Variants in ILDR2 observed in about 807,000 individuals in gnomAD.
ILDR2 encodes the protein immunoglobulin-like domain-containing receptor 2.
Under a neutral mutation model 66.8 loss-of-function variants are expected in ILDR2, and 25 were observed. The ratio of observed to expected loss-of-function variants is 0.37; its 90% CI spans 0.27 to 0.52. The LOEUF is 0.52. ILDR2 is among the 20% of genes least tolerant of loss of function. The probability of loss-of-function intolerance (pLI) is 0.88; values close to 1 mark genes in which losing one functional copy is unlikely to be tolerated. For synonymous variants in ILDR2, 367 were observed against 357.2 expected (o/e 1.03, Z -0.31); for missense variants, 827 against 876.8 (o/e 0.94, Z 0.72).
chr1:166,898,538 A>T (rs555123786), intron 2 of ILDR2, among the ~76,000 whole-genome samples: 1 of 152,160 alleles, frequency 6.6e-6, no homozygotes, highest in African/African-American at 2.4e-5. Context: ...CACCCTCCCT[A>T]CCTGGTGTGT....
At position 166,902,897 on chromosome 1, in the gene ILDR2, AT is replaced by A. The variant is rs759302601; in HGVS notation, n.171+4155del. 1.3e-3 allele frequency among the ~76,000 whole-genome samples: 195 copies of A among 151,388 alleles called. 1 individual carries two copies. Among genetic ancestry groups the A allele is most frequent in the East Asian group, 4.6e-3 (24 of 5,164 alleles). ...TATTCAAGTCAAAGACCTAGGAATC[AT>A]TTTTTTTTCCTTTTCCTTCACTGTC... On this transcript the variant is annotated intron_variant and non_coding_transcript_variant, in intron 2 of 2. Coordinates refer to the ILDR2 transcript ENST00000414590.
At chr1:166,927,208 C>T (rs568414871) in intron 6 of ILDR2, 28 bp from the exon 7 acceptor site, 3 of 1,493,700 alleles carry the variant, frequency 2.0e-6, no homozygotes, top group South Asian at 2.4e-5. Flanking sequence ...AGAAGGTGAG[C>T]TGAAAAAGGA....
chr1:166,963,201 A>G (rs1279553159), intron 1 of ILDR2, among the ~76,000 whole-genome samples: 2 of 152,134 alleles, frequency 1.3e-5, no homozygotes, highest in Non-Finnish European at 2.9e-5. Context: ...ATCTTTCTCT[A>G]TTCCCACTGT....
Position 166,936,797 on chromosome 1 carries a change from C to T in ILDR2, c.557-60G>A, listed in dbSNP as rs2101906065. The T allele has an allele frequency of 1.3e-6, 2 of 1,547,344 alleles. No homozygotes were observed. Among genetic ancestry groups the T allele is most frequent in the East Asian group, 2.3e-5 (1 of 44,052 alleles). The stretch of plus-strand genomic sequence containing the variant: ...CAGCCCACCTCCAGGGCAGGGTGCA[C>T]TTTGATTGGCATCTCCCGGTGAAAG... On this transcript the variant is annotated intron_variant, in intron 4 of 9. Transcript: ENST00000271417. This position sits in a 1 kb window ranked among gnomAD's most constrained non-coding sequence, Gnocchi z 5.0.
chr1:166,945,324 T>TGC (rs1661554860), intron 3 of ILDR2, among the ~76,000 whole-genome samples: 1 of 152,186 alleles, frequency 6.6e-6, no homozygotes, highest in Non-Finnish European at 1.5e-5. Context: ...ACTTTGTACA[T>TGC]GCACACACAC....
chr1:166,900,388 T>C (rs1322717191), intron 2 of ILDR2, among the ~76,000 whole-genome samples: 1 of 152,224 alleles, frequency 6.6e-6, no homozygotes, highest in Non-Finnish European at 1.5e-5. Context: ...ATGTCTTTTC[T>C]CACAAGCATC....
At chr1:166,948,178 C>T (rs527393155) in intron 3 of ILDR2, among the ~76,000 whole-genome samples, 2 of 150,262 alleles carry the variant, frequency 1.3e-5, no homozygotes, top group South Asian at 4.2e-4. Context: ...ACACTAATTT[C>T]CCCCCCAACC....
rs374479063 is a variant in ILDR2, at chr1:166,909,736, CATATATATATAT to C, written c.*9607_*9618del. On this transcript the variant is annotated 3_prime_UTR_variant, in exon 10 of 10. Transcript: ENST00000271417. ...ATATATATGTGTGTGTGTATACATA[CATATATATATAT>C]ATATATATATAAATATATATAAATA... The C allele has an allele frequency of 2.0e-5, 2 of 100,930 alleles. No individual in the cohort carries two copies. The highest frequency in any genetic ancestry group is 4.0e-5 in the African/African-American group (1 of 24,914). The allele number at this position is 100,930 out of a possible 1,614,324, so 6.3% of individuals were successfully genotyped here.
At chr1:166,934,426 A>G (rs1214050855) in intron 6 of ILDR2, among the ~76,000 whole-genome samples, 2 of 151,962 alleles carry the variant, frequency 1.3e-5, no homozygotes, top group Non-Finnish European at 2.9e-5. Context: ...TTTCACTCCC[A>G]TTGTCTCCAT....
chr1:166,969,964 A>T (rs374605583), intron 1 of ILDR2, among the ~76,000 whole-genome samples: 565 of 152,340 alleles, frequency 3.7e-3, no homozygotes, highest in South Asian at 8.5e-3. Context: ...ATCAAATGGG[A>T]TAATGTCTAT....
intron 4 of ILDR2, among the ~76,000 whole-genome samples, chr1:166,938,589 T>C (rs1050052075): frequency 1.1e-4 from 16 of 152,202 alleles, no homozygotes; most frequent in African/African-American, 2.9e-4. Context: ...GGCCACCTAA[T>C]GGAAAGGGAC....
intron 3 of ILDR2, among the ~76,000 whole-genome samples, chr1:166,953,909 TC>T (rs1213644918): frequency 6.6e-6 from 1 of 152,254 alleles, no homozygotes; most frequent in East Asian, 1.9e-4. Flanking sequence ...TTTAGATGTC[TC>T]CAGTTGTTAA....
intron 2 of ILDR2, among the ~76,000 whole-genome samples, chr1:166,898,158 T>C (rs1376297251): frequency 1.3e-5 from 2 of 152,162 alleles, no homozygotes; most frequent in East Asian, 1.9e-4. Flanking sequence ...GGGCACGAAT[T>C]TGGTATCATG....
chr1:166,975,032 TCTCTCACACA>T (rs914501380), intron 1 of ILDR2, among the ~76,000 whole-genome samples, 181 bp downstream of exon 1: 1 of 129,002 alleles, frequency 7.8e-6, no homozygotes, highest in Non-Finnish European at 1.7e-5. Flanking sequence ...TCTCTCTCTC[TCTCTCACACA>T]CACACACACA....
chr1:166,963,803 A>T (rs1462227490), intron 1 of ILDR2, among the ~76,000 whole-genome samples: 1 of 152,172 alleles, frequency 6.6e-6, no homozygotes, highest in African/African-American at 2.4e-5. Flanking sequence ...CAGGCCATGT[A>T]ACTGAAGGAG....
intron 4 of ILDR2, among the ~76,000 whole-genome samples, chr1:166,938,056 A>T (rs1661092096): frequency 6.6e-6 from 1 of 152,236 alleles, no homozygotes; most frequent in African/African-American, 2.4e-5. Context: ...ATCTTTCTGA[A>T]ATACATTCAA....
In ILDR2 at chr1:166,956,361, C is replaced by A. The variant is rs181769968; in HGVS notation, c.499+372G>T. Among the ~76,000 whole-genome samples, 127 of 152,266 alleles carry A rather than the reference C, an allele frequency of 8.3e-4. 1 individual carries two copies. Among genetic ancestry groups the A allele is most frequent in the African/African-American group, 2.9e-3 (122 of 41,536 alleles). On this transcript the variant is annotated intron_variant, in intron 3 of 9. Transcript: ENST00000271417. ...AGAGGTTCTGACACATCAGTGAATT[C>A]TTATCTGTGTAATCTCTACCTTGCT... is the stretch of plus-strand genomic sequence containing the variant.
chr1:166,966,239 G>A (rs1404699137), intron 1 of ILDR2, among the ~76,000 whole-genome samples: 1 of 152,172 alleles, frequency 6.6e-6, no homozygotes, highest in Non-Finnish European at 1.5e-5. Context: ...CAATGATTCT[G>A]TGAGTTAATC....
chr1:166,962,891 G>A (rs535562663), intron 1 of ILDR2, among the ~76,000 whole-genome samples: 8 of 152,216 alleles, frequency 5.3e-5, no homozygotes, highest in African/African-American at 1.9e-4. Flanking sequence ...TTTGATCTAA[G>A]AAATCTGATT....
Sources: allele counts gnomAD v4.1 joint callset (sites outside exome capture counted in the v4.1 genomes callset), GRCh38; gene constraint gnomAD v4.1.1; non-coding constraint Gnocchi (gnomAD v3.1); transcripts MANE v1.5; gene names NCBI Gene and HGNC (gene_info 2026-07-23, HGNC 2026-07-21).